The following ANKRD42 variants were observed in gnomAD, a reference collection of about 807,000 sequenced individuals.
The protein encoded by ANKRD42 is ankyrin repeat domain 42, also known as ankyrin repeat domain-containing protein 42.
In ANKRD42, 43 loss-of-function variants were observed where a neutral mutation model predicts 51.5. The ratio of observed to expected loss-of-function variants is 0.83; its 90% CI spans 0.65 to 1.08. The LOEUF (loss-of-function observed/expected upper bound fraction) is 1.08, where lower values mean the gene tolerates loss of function less well. Ranked by LOEUF, ANKRD42 falls within the 50% of genes least tolerant of loss-of-function variation. The pLI is 0.00. For synonymous variants in ANKRD42, 203 were observed against 213.0 expected (o/e 0.95, Z 0.41); for missense variants, 608 against 629.3 (o/e 0.97, Z 0.36).
In ANKRD42 at chr11:83,198,543, G is replaced by A; in HGVS notation, c.123G>A (p.Gln41=). ...HDAVRAGDVK[Q]LSEIVVRGAS... ...CAGTACGAGCTGGAGATGTAAAGCAGCTTTCAGAAATAGTGGTACGTGGAG... is the reference window on the plus strand; with the variant it reads ...CAGTACGAGCTGGAGATGTAAAGCAACTTTCAGAAATAGTGGTACGTGGAG... The change falls in exon 2 of 11, where the codon CAG becomes CAA. Residue 41 remains glutamine (Q), a synonymous_variant. Coordinates refer to ENST00000533342, the MANE Select transcript of ANKRD42 (RefSeq NM_001300975.2). 6.2e-7 allele frequency: 1 copy of A among 1,613,958 alleles called. No individual in the cohort carries two copies. Among genetic ancestry groups the A allele is most frequent in the African/African-American group, 1.3e-5 (1 of 75,032 alleles).
rs1475763331 is a variant in ANKRD42 at position 83,241,015 on chromosome 11, A to G, written c.1195+81A>G. ...TTACCACAAATTTGGAAACTATTCT[A>G]AAGACAAATACTGCCTACAAAGTAA... On this transcript the variant is annotated intron_variant, in intron 9 of 10. Transcript: ENST00000533342. 4.8e-6 allele frequency: 7 copies of G among 1,444,884 alleles called. No individual in the cohort carries two copies. The South Asian group carries it at 5.5e-5, about 11-fold the overall frequency. The allele number at this position is 1,444,884 out of a possible 1,614,324, so 89.5% of individuals were successfully genotyped here.
downstream of ANKRD42, among the ~76,000 whole-genome samples, chr11:83,263,520 A>G (rs1864057330): frequency 6.6e-6 from 1 of 152,226 alleles, no homozygotes; most frequent in Non-Finnish European, 1.5e-5. Context: ...AGCACTCTGT[A>G]AACATTAGCT....
chr11:83,241,321 A>G (rs544778229), intron 9 of ANKRD42, among the ~76,000 whole-genome samples: 1 of 152,360 alleles, frequency 6.6e-6, no homozygotes, highest in South Asian at 2.1e-4. Flanking sequence ...TTATTGAAGT[A>G]ATGGTGAACA....
At chr11:83,250,886 A>G (rs994626941), downstream of ANKRD42, among the ~76,000 whole-genome samples, 53 of 152,102 alleles carry the variant, frequency 3.5e-4, no homozygotes, top group African/African-American at 1.3e-3. Flanking sequence ...TCCCTAGTTT[A>G]GGTTTCTATA....
intron 11 of ANKRD42, among the ~76,000 whole-genome samples, chr11:83,254,140 A>C (rs1425830498): frequency 1.3e-5 from 2 of 151,856 alleles, no homozygotes; most frequent in Non-Finnish European, 2.9e-5. Flanking sequence ...ATGCCCAGCT[A>C]AATTTTTTTG....
chr11:83,193,733 C>CCTG lies in ANKRD42; in HGVS notation c.-933_-931dup. 4.8e-6 allele frequency: 2 copies of CCTG among 414,140 alleles called. No individual in the cohort carries two copies. The highest frequency in any genetic ancestry group is 3.3e-5 in the South Asian group (2 of 60,306). The allele number at this position is 414,140 out of a possible 1,614,324, so 25.7% of individuals were successfully genotyped here. A position where few individuals can be genotyped will look rare whatever the true frequency, so the allele number is the denominator to read the frequency against. On this transcript the variant is annotated 5_prime_UTR_variant, in exon 1 of 11. Coordinates refer to ENST00000533342, the MANE Select transcript of ANKRD42 (RefSeq NM_001300975.2). ...GTGTACTCGTTTCCAAGGCGACGGC[C>CCTG]CTGCTGCCTCTCCAGCCAAGTGGCT...
downstream of ANKRD42, among the ~76,000 whole-genome samples, chr11:83,258,563 G>T (rs185386881): frequency 2.6e-5 from 4 of 152,224 alleles, no homozygotes; most frequent in Admixed American, 2.6e-4. Context: ...TGTTTCTTCA[G>T]CTGTAAAATG....
chr11:83,199,383 A>G (rs1388692036), intron 2 of ANKRD42, among the ~76,000 whole-genome samples: 1 of 152,094 alleles, frequency 6.6e-6, no homozygotes, highest in Non-Finnish European at 1.5e-5. Flanking sequence ...ATATCACATT[A>G]TGTATATTAT....
At chr11:83,195,991 G>GC (rs1204609072) in intron 1 of ANKRD42, among the ~76,000 whole-genome samples, 2 of 151,900 alleles carry the variant, frequency 1.3e-5, no homozygotes, top group Non-Finnish European at 2.9e-5. Context: ...GGCAACAGGG[G>GC]CCCACCACCA....
At chr11:83,234,203 C>T (rs138521446) in intron 7 of ANKRD42, among the ~76,000 whole-genome samples, 1 of 152,182 alleles carries the variant, frequency 6.6e-6, no homozygotes, top group Non-Finnish European at 1.5e-5. Context: ...TTCTTGGGTA[C>T]CATCTATATG....
rs937861959 is a variant in ANKRD42 at position 83,225,165 on chromosome 11, C to T, written c.787+110C>T. On this transcript the variant is annotated intron_variant, in intron 6 of 10. Transcript: ENST00000533342. ...AAAGATATAAGGCAAATGTTATATACGTTATATGTAAAAATATAAACATGT... is the reference window on the plus strand; with the variant it reads ...AAAGATATAAGGCAAATGTTATATATGTTATATGTAAAAATATAAACATGT... 2.8e-5 allele frequency: 24 copies of T among 845,936 alleles called. No homozygotes were observed. The East Asian group carries it at 3.8e-4, about 13-fold the overall frequency. 52.4% of individuals were successfully genotyped at this position (845,936 alleles called of 1,614,324 possible).
downstream of ANKRD42, chr11:83,257,390 A>G (rs746189084): frequency 9.0e-6 from 4 of 446,004 alleles, no homozygotes; most frequent in South Asian, 6.3e-5. Context: ...GAGAAAATAG[A>G]GGCAAGTAGG....
downstream of ANKRD42, chr11:83,259,030 G>A (rs1591019529): frequency 6.6e-6 from 1 of 152,172 alleles, no homozygotes; most frequent in South Asian, 2.1e-4. Context: ...TATGAATGCA[G>A]TATTTTCAGC....
At chr11:83,203,082 C>T (rs1367789581) in intron 2 of ANKRD42, among the ~76,000 whole-genome samples, 1 of 150,946 alleles carries the variant, frequency 6.6e-6, no homozygotes, top group Non-Finnish European at 1.5e-5. Context: ...ACCTCTGCCT[C>T]CCAGGTTCAA....
chr11:83,231,483 C>A (rs1863070674), intron 7 of ANKRD42, among the ~76,000 whole-genome samples: 1 of 152,032 alleles, frequency 6.6e-6, no homozygotes, highest in South Asian at 2.1e-4. Flanking sequence ...GGGTAGTTTG[C>A]AAATATTTTC....
chr11:83,244,799 A>AT (rs1357811883), intron 9 of ANKRD42, among the ~76,000 whole-genome samples: 1 of 152,226 alleles, frequency 6.6e-6, no homozygotes, highest in East Asian at 1.9e-4. Flanking sequence ...CAATCACAAA[A>AT]TTTGTGGCTG....
intron 5 of ANKRD42, among the ~76,000 whole-genome samples, chr11:83,216,671 G>A (rs181637189): frequency 9.3e-4 from 142 of 152,288 alleles, no homozygotes; most frequent in Non-Finnish European, 1.6e-3. Flanking sequence ...AAATTGTCTC[G>A]GCTTTTGTTT....
At chr11:83,262,200 G>A (rs1039961807), downstream of ANKRD42, among the ~76,000 whole-genome samples, 1 of 152,026 alleles carries the variant, frequency 6.6e-6, no homozygotes, top group Non-Finnish European at 1.5e-5. Flanking sequence ...ATGTCATTTA[G>A]AAACCTATAA....
chr11:83,217,271 A>G (rs1341836755), intron 5 of ANKRD42, among the ~76,000 whole-genome samples: 1 of 152,222 alleles, frequency 6.6e-6, no homozygotes, highest in Non-Finnish European at 1.5e-5. Flanking sequence ...AATGTCTAAC[A>G]ATATCTGTAG....
Sources: allele counts gnomAD v4.1 joint callset (sites outside exome capture counted in the v4.1 genomes callset), GRCh38; gene constraint gnomAD v4.1.1; transcripts MANE v1.5; gene names NCBI Gene and HGNC (gene_info 2026-07-23, HGNC 2026-07-21).